FUT8: variants seen among roughly 807,000 people sequenced by gnomAD.
FUT8 encodes alpha-(1,6)-fucosyltransferase.
Under a neutral mutation model 71.3 loss-of-function variants are expected in FUT8, and 29 were observed. The ratio of observed to expected loss-of-function variants is 0.41; its 90% CI spans 0.30 to 0.55. The LOEUF is 0.55. FUT8 is among the 20% of genes least tolerant of loss of function. FUT8 has a pLI of 0.34. For synonymous variants in FUT8, 254 were observed against 239.3 expected, an observed-to-expected ratio of 1.06 and a Z score of -0.57; for missense variants, 544 against 702.1, an observed-to-expected ratio of 0.77 and a Z score of 2.55.
At chr14:65,543,207 G>A (rs1169267058) in intron 2 of FUT8, among the ~76,000 whole-genome samples, 3 of 152,096 alleles carry the variant, frequency 2.0e-5, no homozygotes, top group African/African-American at 7.2e-5. Flanking sequence ...ATTACATTTG[G>A]ACCTATTTCT....
At chr14:65,391,353 C>T in the FUT8 span, among the ~76,000 whole-genome samples, 2 of 151,976 alleles carry the variant, frequency 1.3e-5, no homozygotes, top group African/African-American at 2.4e-5. Flanking sequence ...AGTGGAGATG[C>T]TAACTTTTTT....
intron 3 of FUT8, among the ~76,000 whole-genome samples, chr14:65,565,133 G>A (rs1886122584): frequency 6.6e-6 from 1 of 151,956 alleles, no homozygotes; most frequent in Admixed American, 6.6e-5. Flanking sequence ...AAGAGAGGAA[G>A]CAAGACAGAA....
intron 3 of FUT8, among the ~76,000 whole-genome samples, chr14:65,584,617 G>A (rs1787839109): frequency 1.3e-5 from 2 of 152,314 alleles, no homozygotes; most frequent in Middle Eastern, 3.4e-3. Context: ...TAGATCAGGT[G>A]GTAACAGAAG....
At chr14:65,448,647 A>G (rs984847164) in intron 1 of FUT8, among the ~76,000 whole-genome samples, 2 of 152,128 alleles carry the variant, frequency 1.3e-5, no homozygotes, top group Non-Finnish European at 2.9e-5. Context: ...CTCTGTTCTC[A>G]TGGTGTGCCC....
chr14:65,470,434 G>C (rs1158147991), intron 2 of FUT8, among the ~76,000 whole-genome samples: 1 of 152,138 alleles, frequency 6.6e-6, no homozygotes, highest in East Asian at 1.9e-4. Context: ...TTGGGCTGCT[G>C]CCTGCTCCTG....
chr14:65,693,293 T>C (rs1259263709), intron 7 of FUT8, among the ~76,000 whole-genome samples: 1 of 152,186 alleles, frequency 6.6e-6, no homozygotes, highest in African/African-American at 2.4e-5. Flanking sequence ...TCACTCGCGG[T>C]TAGGAGCTGG....
chr14:65,419,243 A>G (rs1164046171), intron 1 of FUT8, among the ~76,000 whole-genome samples: 2 of 152,306 alleles, frequency 1.3e-5, no homozygotes, highest in African/African-American at 4.8e-5. Context: ...CTGGACAACA[A>G]GAGTGAAACT....
the FUT8 span, among the ~76,000 whole-genome samples, chr14:65,393,691 A>G: frequency 6.6e-6 from 1 of 152,170 alleles, no homozygotes; most frequent in South Asian, 2.1e-4. Context: ...TAAAGGGGAA[A>G]TATCAGTGGA....
At chr14:65,711,481 CTT>C (rs2139314458) in intron 7 of FUT8, among the ~76,000 whole-genome samples, 1 of 152,166 alleles carries the variant, frequency 6.6e-6, no homozygotes, top group South Asian at 2.1e-4. Flanking sequence ...GTTTTCCTTC[CTT>C]TCTCTCTTTT....
At chr14:65,492,791 A>T (rs1163977596) in intron 2 of FUT8, among the ~76,000 whole-genome samples, 1 of 152,190 alleles carries the variant, frequency 6.6e-6, no homozygotes, top group Non-Finnish European at 1.5e-5. Flanking sequence ...TAAGAGATTC[A>T]GCTTACCTAT....
At chr14:65,471,221 CT>C (rs1308430664) in intron 2 of FUT8, 1 of 183,582 alleles carries the variant, frequency 5.4e-6, no homozygotes, top group Non-Finnish European at 1.3e-5. Context: ...GTAACTGTCT[CT>C]TTTTCTCGGT....
chr14:65,715,806 T>C (rs1895026337), intron 7 of FUT8, among the ~76,000 whole-genome samples: 1 of 152,160 alleles, frequency 6.6e-6, no homozygotes, highest in Admixed American at 6.5e-5. Context: ...TTTTATTTCA[T>C]TGTGGTCTGA....
At chr14:65,620,911 G>A (rs1439703595) in intron 5 of FUT8, among the ~76,000 whole-genome samples, 1 of 152,174 alleles carries the variant, frequency 6.6e-6, no homozygotes, top group African/African-American at 2.4e-5. Context: ...TCTTTATGAA[G>A]TCATCCTTAT....
At chr14:65,379,638 A>G in the FUT8 span, among the ~76,000 whole-genome samples, 1 of 152,202 alleles carries the variant, frequency 6.6e-6, no homozygotes, top group Non-Finnish European at 1.5e-5. Context: ...ACAGCACTGC[A>G]TGCCGTTCTG....
At chr14:65,538,751 C>G (rs1884497038) in intron 2 of FUT8, among the ~76,000 whole-genome samples, 1 of 152,012 alleles carries the variant, frequency 6.6e-6, no homozygotes, top group African/African-American at 2.4e-5. Flanking sequence ...GAAACCCTGT[C>G]TCTACTAAAA....
chr14:65,715,462 ATTTCTGCTCTGATCTTTATTCTTCTCT>A (rs1895005757), intron 7 of FUT8, among the ~76,000 whole-genome samples: 1 of 152,064 alleles, frequency 6.6e-6, no homozygotes, highest in Non-Finnish European at 1.5e-5. Context: ...AGTTTCATTT[ATTTCTGCTCTGATCTTTATTCTTCTCT>A]TTTACTAATT....
intron 6 of FUT8, among the ~76,000 whole-genome samples, chr14:65,645,246 A>C (rs1891068164): frequency 6.6e-6 from 1 of 152,208 alleles, no homozygotes; most frequent in African/African-American, 2.4e-5. Flanking sequence ...AAGAACTCCT[A>C]ACAAGTTACA....
intron 2 of FUT8, among the ~76,000 whole-genome samples, chr14:65,480,299 ATTTTTTTTTTTTTT>A (rs5809276): frequency 3.1e-5 from 3 of 96,978 alleles, no homozygotes; most frequent in African/African-American, 1.1e-4. Flanking sequence ...ATGAACTGTG[ATTTTTTTTTTTTTT>A]TTTTTTTTTT....
rs533991278 is a variant in FUT8, at chr14:65,515,830, A to G, written c.-227-45507A>G. On this transcript the variant is annotated intron_variant, in intron 2 of 10. Transcript: ENST00000673929. ...TTATAGACCTATGAATTTCAATTAT[A>G]TTTGTTTAAATGTGAATCACTTTTA... is the stretch of plus-strand genomic sequence containing the variant. Among the ~76,000 whole-genome samples, 528 of 152,332 alleles carry G rather than the reference A, an allele frequency of 3.5e-3. 2 individuals carry two copies. Among genetic ancestry groups the G allele is most frequent in the African/African-American group, 0.012 (501 of 41,578 alleles).
Sources: allele counts gnomAD v4.1 joint callset (sites outside exome capture counted in the v4.1 genomes callset), GRCh38; gene constraint gnomAD v4.1.1; transcripts MANE v1.5; gene names NCBI Gene and HGNC (gene_info 2026-07-23, HGNC 2026-07-21).